NUP88: variants seen among roughly 807,000 people sequenced by gnomAD.
NUP88 encodes the protein nuclear pore complex protein Nup88.
In NUP88, 57 loss-of-function variants were observed where a neutral mutation model predicts 93.9. That is an observed-to-expected ratio of 0.61 (90% CI 0.49 to 0.76). The LOEUF (loss-of-function observed/expected upper bound fraction) is 0.76, where lower values mean the gene tolerates loss of function less well. Ranked by LOEUF, NUP88 falls within the 30% of genes least tolerant of loss-of-function variation. NUP88 has a pLI of 0.00. For synonymous variants in NUP88, 346 were observed against 336.8 expected (o/e 1.03, Z -0.30); for missense variants, 911 against 901.0 (o/e 1.01, Z -0.14).
intron 8 of NUP88, among the ~76,000 whole-genome samples, chr17:5,395,330 T>G (rs974581145): frequency 1.3e-5 from 2 of 152,122 alleles, no homozygotes; most frequent in Non-Finnish European, 2.9e-5. Flanking sequence ...TCACATTTTT[T>G]TTTTGGATTT....
Position 5,387,115 on chromosome 17 carries a change from A to C in NUP88, c.1917-5T>G. On this transcript the variant is annotated splice_region_variant and splice_polypyrimidine_tract_variant and intron_variant, in intron 14 of 16. Transcript: ENST00000573584. Reference sequence around the variant, plus strand: ...CTGTGAAGTAGTTTTTTCATCCTTTAGAAAAGGCAAGCAAACATCTCAATT... The same window carrying C: ...CTGTGAAGTAGTTTTTTCATCCTTTCGAAAAGGCAAGCAAACATCTCAATT... 1 of 1,612,712 alleles carries C rather than the reference A, an allele frequency of 6.2e-7. No homozygotes were observed. Among genetic ancestry groups the C allele is most frequent in the East Asian group, 2.2e-5 (1 of 44,882 alleles).
intron 5 of NUP88, among the ~76,000 whole-genome samples, chr17:5,408,060 C>T (rs566969449): frequency 6.6e-6 from 1 of 152,304 alleles, no homozygotes; most frequent in Non-Finnish European, 1.5e-5. Context: ...TTTCTCGGGA[C>T]AGATACTCCA....
At chr17:5,403,044 T>A (rs549961071) in intron 7 of NUP88, among the ~76,000 whole-genome samples, 385 of 152,296 alleles carry the variant, frequency 2.5e-3, no homozygotes, top group Non-Finnish European at 3.9e-3. Context: ...TGCCACATTT[T>A]AAAAATCCAT....
chr17:5,386,014 T>C lies in NUP88; in HGVS notation c.*192A>G. 2 of 536,426 alleles carry C rather than the reference T, an allele frequency of 3.7e-6. No homozygotes were observed. The highest frequency in any genetic ancestry group is 5.8e-5 in the South Asian group (2 of 34,334). 33.2% of individuals were successfully genotyped at this position (536,426 alleles called of 1,614,324 possible). A position where few individuals can be genotyped will look rare whatever the true frequency, so the allele number is the denominator to read the frequency against. On this transcript the variant is annotated 3_prime_UTR_variant, in exon 17 of 17. Transcript: ENST00000573584. ...TGCTGAACACAACTGTAGGCTTGAG[T>C]TATAAAGCACATTCCAAATTTTAAA...
chr17:5,414,531 T>C (rs1377050836), intron 2 of NUP88, among the ~76,000 whole-genome samples: 2 of 152,220 alleles, frequency 1.3e-5, no homozygotes, highest in Admixed American at 1.3e-4. Context: ...TTTGATTCTC[T>C]TTCCTTCAGA....
chr17:5,387,052 GCTCA>G lies in NUP88; in HGVS notation c.1971_1974del (p.Arg659ThrfsTer2), dbSNP rs1912042354. On this transcript the variant is annotated frameshift_variant, in exon 15 of 17. Coordinates refer to ENST00000573584, the MANE Select transcript of NUP88 (RefSeq NM_002532.6). LOFTEE classifies it high-confidence loss of function. Reference sequence around the variant, plus strand: ...AGCTGTAATTCTTTCTTCATGTCTCGCTCACTATCAGAGAGAACTGGGAGCTCAG... The same window carrying G: ...AGCTGTAATTCTTTCTTCATGTCTCGCTATCAGAGAGAACTGGGAGCTCAG... 2 of 1,613,658 alleles carry G rather than the reference GCTCA, an allele frequency of 1.2e-6. No individual in the cohort carries two copies. The highest frequency in any genetic ancestry group is 2.7e-5 in the African/African-American group (2 of 74,890).
intron 16 of NUP88, 135 bp from the exon 17 acceptor site, chr17:5,386,404 A>C: frequency 1.4e-6 from 1 of 728,600 alleles, no homozygotes; most frequent in Non-Finnish European, 2.3e-6. Flanking sequence ...TTTCAGGTGG[A>C]TAGCAATAGT....
At chr17:5,413,152 T>C (rs1230049723) in intron 3 of NUP88, among the ~76,000 whole-genome samples, 2 of 150,760 alleles carry the variant, frequency 1.3e-5, no homozygotes, top group African/African-American at 4.9e-5. Flanking sequence ...TAATTTTTTT[T>C]GCAGAGACAG....
chr17:5,386,941 T>G lies in NUP88; in HGVS notation c.2043+43A>C, dbSNP rs772936298. 21 of 1,604,442 alleles carry G rather than the reference T, an allele frequency of 1.3e-5. No homozygotes were observed. The South Asian group carries it at 2.4e-4, about 18-fold the overall frequency. ...AAAATTTTCTGTAGAATAAGTGCTT[T>G]AAGAAAAATTACCAAATTTAGCTAG... On this transcript the variant is annotated intron_variant, in intron 15 of 16. Coordinates refer to ENST00000573584, the MANE Select transcript of NUP88 (RefSeq NM_002532.6).
chr17:5,413,211 A>C (rs1913941768), intron 3 of NUP88, among the ~76,000 whole-genome samples: 1 of 151,880 alleles, frequency 6.6e-6, no homozygotes. Context: ...GGCTCAAATG[A>C]TCCTCCCACC....
intron 8 of NUP88, among the ~76,000 whole-genome samples, chr17:5,398,256 T>C (rs1248636188): frequency 6.6e-6 from 1 of 151,822 alleles, no homozygotes; most frequent in East Asian, 1.9e-4. Context: ...TCTTTTTGGA[T>C]AGTTTTGATT....
intron 2 of NUP88, among the ~76,000 whole-genome samples, chr17:5,416,028 C>T (rs1914113216): frequency 6.7e-6 from 1 of 148,896 alleles, no homozygotes; most frequent in East Asian, 2.0e-4. Flanking sequence ...GCCTGTAATC[C>T]CAGTTACTCG....
chr17:5,406,392 A>G (rs1348266019), intron 5 of NUP88, among the ~76,000 whole-genome samples: 1 of 152,232 alleles, frequency 6.6e-6, no homozygotes, highest in Non-Finnish European at 1.5e-5. Flanking sequence ...CAAAATAGCT[A>G]GACAGACATC....
intron 4 of NUP88, among the ~76,000 whole-genome samples, chr17:5,409,479 T>C (rs1246824942): frequency 6.6e-6 from 1 of 151,502 alleles, no homozygotes; most frequent in African/African-American, 2.4e-5. Flanking sequence ...TACACAGATA[T>C]ACAAATAGCA....
chr17:5,412,254 A>G (rs1284422538), intron 3 of NUP88, among the ~76,000 whole-genome samples: 1 of 152,144 alleles, frequency 6.6e-6, no homozygotes, highest in African/African-American at 2.4e-5. Flanking sequence ...AGTACAGTAT[A>G]ATGTTTGTAA....
intron 4 of NUP88, 128 bp from the exon 5 acceptor site, chr17:5,409,037 A>G (rs910239893): frequency 9.7e-6 from 7 of 725,374 alleles, no homozygotes; most frequent in Non-Finnish European, 1.5e-5. Flanking sequence ...TTTGTAGGCA[A>G]TGGACTGAAA....
intron 6 of NUP88, among the ~76,000 whole-genome samples, chr17:5,404,452 A>T (rs1913366587): frequency 6.6e-6 from 1 of 151,974 alleles, no homozygotes; most frequent in Non-Finnish European, 1.5e-5. Context: ...GTCTCTACTA[A>T]AAGTACAAGA....
At position 5,386,713 on chromosome 17, in the gene NUP88, T is replaced by G. The variant is rs1071705; in HGVS notation, c.2157A>C (p.Lys719Asn). The G allele has an allele frequency of 6.3e-7, 1 of 1,597,882 alleles. No homozygotes were observed. Among genetic ancestry groups the G allele is most frequent in the Admixed American group, 1.7e-5 (1 of 59,982 alleles). The change falls in exon 16 of 17, where the codon AAA (lysine) becomes AAC (asparagine). Residue 719 changes from lysine to asparagine, a missense_variant. Coordinates refer to ENST00000573584, the MANE Select transcript of NUP88 (RefSeq NM_002532.6). ...GATTGGAAGTATTTACTTACTCCTCTTTCAGGATGGACTGAATGCACTTTC... is the reference window on the plus strand; with the variant it reads ...GATTGGAAGTATTTACTTACTCCTCGTTCAGGATGGACTGAATGCACTTTC... ...YQRKCIQSIL[K>N]EEGEHIREMV...
At chr17:5,404,406 A>G (rs1236464372) in intron 6 of NUP88, among the ~76,000 whole-genome samples, 160 bp from the exon 7 acceptor site, 1 of 152,180 alleles carries the variant, frequency 6.6e-6, no homozygotes, top group Non-Finnish European at 1.5e-5. Context: ...TGAGGTCAGG[A>G]GTTCGAGACC....
Sources: gnomAD v4.1 joint callset for allele counts (sites outside exome capture counted in the v4.1 genomes callset) on GRCh38, gnomAD v4.1.1 for gene constraint, MANE v1.5 for transcripts, NCBI Gene and HGNC (gene_info 2026-07-23, HGNC 2026-07-21) for gene names.